The following COL11A2 variants were observed in gnomAD, a reference collection of about 807,000 sequenced individuals.
COL11A2 encodes the protein collagen type XI alpha 2 chain, also known as collagen alpha-2(XI) chain.
COL11A2 carries 116 observed loss-of-function variants against 273.4 expected under a neutral mutation model. That is an observed-to-expected ratio of 0.42 (90% CI 0.36 to 0.49). COL11A2 has a LOEUF of 0.49. COL11A2 is among the 20% of genes least tolerant of loss of function. The pLI is 0.00. For missense variants in COL11A2, 1,866 were observed against 2,309.0 expected, an observed-to-expected ratio of 0.81 and a Z score of 3.93; for synonymous variants, 782 against 864.2, an observed-to-expected ratio of 0.90 and a Z score of 1.67.
chr6:33,173,784 C>T lies in COL11A2; in HGVS notation c.2584-39G>A, dbSNP rs1326937819. 2 of 1,607,954 alleles carry T rather than the reference C, an allele frequency of 1.2e-6. No homozygotes were observed. Among genetic ancestry groups the T allele is most frequent in the African/African-American group, 1.3e-5 (1 of 74,720 alleles). On this transcript the variant is annotated intron_variant, in intron 34 of 65. Coordinates refer to ENST00000341947, the MANE Select transcript of COL11A2 (RefSeq NM_080680.3). This position sits in a 1 kb window ranked among gnomAD's most constrained non-coding sequence, Gnocchi z 6.3. ...CAGAGTCAAGGAGTGGGAAGAGCTG[C>T]TTTCCAGCTGTCCCCGAGGTCAGGA...
chr6:33,165,580 G>C lies in COL11A2; in HGVS notation c.4719C>G (p.Asp1573Glu). The change falls in exon 63 of 66, where the codon GAC becomes GAG. Residue 1573 changes from aspartate (D) to glutamate (E), a missense_variant. By Grantham distance (45) the Asp-to-Glu change is conservative. Coordinates refer to ENST00000341947, the MANE Select transcript of COL11A2 (RefSeq NM_080680.3). The surrounding 1 kb of genome is among the most constrained non-coding windows in gnomAD (Gnocchi z 7.7). Reference sequence around the variant, plus strand: ...GAAGCTCTGGGTGGCACAGCTTCAGGTCCTGGCAGGTGCGAGCAGGGCTGT... The same window carrying C: ...GAAGCTCTGGGTGGCACAGCTTCAGCTCCTGGCAGGTGCGAGCAGGGCTGT... ...TQDSPARTCQ[D>E]LKLCHPELPD... 6.2e-7 allele frequency: 1 copy of C among 1,613,420 alleles called. No individual in the cohort carries two copies. Among genetic ancestry groups the C allele is most frequent in the Non-Finnish European group, 8.5e-7 (1 of 1,180,004 alleles).
At chr6:33,186,343 C>T in intron 5 of COL11A2, 1 of 1,357,822 alleles carries the variant, frequency 7.4e-7, no homozygotes, top group Non-Finnish European at 9.6e-7. Flanking sequence ...CCACTGTCTC[C>T]CAATCTCTTA....
rs2150628537 is a variant in COL11A2, at chr6:33,190,172, TC to T, written c.83-704del. Among the ~76,000 whole-genome samples the T allele has an allele frequency of 6.6e-6, 1 of 151,682 alleles. No homozygotes were observed. The highest frequency in any genetic ancestry group is 1.9e-4 in the East Asian group (1 of 5,154). On this transcript the variant is annotated intron_variant, in intron 1 of 65. Coordinates refer to ENST00000341947, the MANE Select transcript of COL11A2 (RefSeq NM_080680.3). This position sits in a 1 kb window ranked among gnomAD's most constrained non-coding sequence, Gnocchi z 4.5. The stretch of plus-strand genomic sequence containing the variant: ...GAAAGCTCTCCCAGGAGTCTGTGCC[TC>T]CTGGTTTAGGAGATGAGTTGGGGAG...
rs759890035 is a variant in COL11A2, at chr6:33,170,368, G to A, written c.3540C>T (p.Gly1180=). Residue 1180 remains glycine, a synonymous_variant, in exon 48 of 66, where the codon GGC becomes GGT. Coordinates refer to ENST00000341947, the MANE Select transcript of COL11A2 (RefSeq NM_080680.3). The surrounding 1 kb of genome is among the most constrained non-coding windows in gnomAD (Gnocchi z 4.3). ...TGDVGPMGPP[G]PPGPRGPAGP... Reference sequence around the variant, plus strand: ...CAGCTGGACCTCGAGGTCCTGGGGGGCCAGGTGGTCCCTGGGGGAAACAGA... The same window carrying A: ...CAGCTGGACCTCGAGGTCCTGGGGGACCAGGTGGTCCCTGGGGGAAACAGA... 4.3e-6 allele frequency: 7 copies of A among 1,613,194 alleles called. No individual in the cohort carries two copies. The highest frequency in any genetic ancestry group is 1.3e-5 in the African/African-American group (1 of 74,828).
chr6:33,179,731 C>T lies in COL11A2; in HGVS notation c.1434G>A (p.Leu478=). Residue 478 remains leucine (L), a synonymous_variant, in exon 13 of 66, where the codon CTG becomes CTA. Transcript: ENST00000341947. This position sits in a 1 kb window ranked among gnomAD's most constrained non-coding sequence, Gnocchi z 6.4. ...CAGCCCCACTCACCCTCGCCTGCTGCAGGATCGCCTGGGCCTGAGCCTCCT... is the reference window on the plus strand; with the variant it reads ...CAGCCCCACTCACCCTCGCCTGCTGTAGGATCGCCTGGGCCTGAGCCTCCT... ...AAQEAQAQAI[L]QQARLALRGP... 1.9e-6 allele frequency: 3 copies of T among 1,612,266 alleles called. No individual in the cohort carries two copies. Among genetic ancestry groups the T allele is most frequent in the Non-Finnish European group, 2.5e-6 (3 of 1,180,008 alleles).
chr6:33,168,643 A>G, intron 53 of COL11A2, 63 bp downstream of exon 53: 3 of 1,599,852 alleles, frequency 1.9e-6, no homozygotes, highest in Non-Finnish European at 2.6e-6. Context: ...AGTGGGGCAC[A>G]GAAGAGGGGT....
In COL11A2 at chr6:33,168,520, C is replaced by T. The variant is rs372143434; in HGVS notation, c.3959G>A (p.Arg1320Gln). Residue 1320 changes from arginine to glutamine, a missense_variant and splice_region_variant, in exon 54 of 66, where the codon CGA (arginine) becomes CAA (glutamine). By Grantham distance (43) the Arg-to-Gln change is conservative. Transcript: ENST00000341947. ...ENGPPGPLGK[R>Q]GPAGSPGSEG... is the part of the protein sequence containing the mutation. ...GTCTCAGGGGTCCACCTCACTTACTCGCTTTCCAAGTGGCCCTGGGGGTCC... is the reference window on the plus strand; with the variant it reads ...GTCTCAGGGGTCCACCTCACTTACTTGCTTTCCAAGTGGCCCTGGGGGTCC... 12 of 1,613,424 alleles carry T rather than the reference C, an allele frequency of 7.4e-6. No homozygotes were observed. The highest frequency in any genetic ancestry group is 4.5e-5 in the East Asian group (2 of 44,898).
rs764083806 is a variant in COL11A2, at chr6:33,174,508, G to A, written c.2430+19C>T. Reference sequence around the variant, plus strand: ...GAGGAGGGAAGAGGAGGAGGGGCACGTATGGGGCATGGCATCACCTTGGGT... The same window carrying A: ...GAGGAGGGAAGAGGAGGAGGGGCACATATGGGGCATGGCATCACCTTGGGT... On this transcript the variant is annotated intron_variant, in intron 31 of 65. Coordinates refer to ENST00000341947, the MANE Select transcript of COL11A2 (RefSeq NM_080680.3). 24 of 1,612,038 alleles carry A rather than the reference G, an allele frequency of 1.5e-5. No homozygotes were observed. Among genetic ancestry groups the A allele is most frequent in the African/African-American group, 5.3e-5 (4 of 74,876 alleles).
chr6:33,167,237 T>C lies in COL11A2; in HGVS notation c.4176+27A>G. 4 of 1,613,950 alleles carry C rather than the reference T, an allele frequency of 2.5e-6. No homozygotes were observed. The highest frequency in any genetic ancestry group is 3.4e-6 in the Non-Finnish European group (4 of 1,179,952). ...TGTCCCAGGGCACTGCCCTCACCCC[T>C]CACTCAGCCCAATCCCAGTCACTCA... is the stretch of plus-strand genomic sequence containing the variant. On this transcript the variant is annotated intron_variant, in intron 57 of 65. Coordinates refer to ENST00000341947, the MANE Select transcript of COL11A2 (RefSeq NM_080680.3). The surrounding 1 kb of genome is among the most constrained non-coding windows in gnomAD (Gnocchi z 6.1).
At position 33,167,616 on chromosome 6, in the gene COL11A2, G is replaced by A. The variant is rs1225142766; in HGVS notation, c.4015-83C>T. On this transcript the variant is annotated intron_variant, in intron 55 of 65. Coordinates refer to ENST00000341947, the MANE Select transcript of COL11A2 (RefSeq NM_080680.3). This position sits in a 1 kb window ranked among gnomAD's most constrained non-coding sequence, Gnocchi z 6.1. ...GGCAGAGGGTCCAAGGTGGGAGGCA[G>A]GAGGCAGGGAGGAAGGGCCAAACTC... The A allele has an allele frequency of 2.0e-6, 3 of 1,526,044 alleles. No individual in the cohort carries two copies. In the African/African-American group the frequency reaches 4.1e-5, roughly 21 times the overall value. 94.5% of individuals were successfully genotyped at this position (1,526,044 alleles called of 1,614,324 possible).
At position 33,189,059 on chromosome 6, in the gene COL11A2, C is replaced by A. The variant is rs148765616; in HGVS notation, c.362G>T (p.Arg121Leu). Reference protein sequence around the residue: ...QLGLELGRPVRFLYEDQTGRP... With the variant: ...QLGLELGRPVLFLYEDQTGRP... The stretch of plus-strand genomic sequence containing the variant: ...CCCAGTCTGGTCTTCATACAGGAAG[C>A]GGACAGGTCGGCCCAGCTCCAGGCC... Residue 121 changes from arginine (R) to leucine (L), a missense_variant, in exon 3 of 66, where the codon CGC becomes CTC. By Grantham distance (102) the Arg-to-Leu change is moderately radical. Coordinates refer to ENST00000341947, the MANE Select transcript of COL11A2 (RefSeq NM_080680.3). This position sits in a 1 kb window ranked among gnomAD's most constrained non-coding sequence, Gnocchi z 5.6. 3.1e-6 allele frequency: 5 copies of A among 1,614,058 alleles called. No individual in the cohort carries two copies. Among genetic ancestry groups the A allele is most frequent in the Non-Finnish European group, 4.2e-6 (5 of 1,180,042 alleles).
Position 33,184,966 on chromosome 6 carries a change from G to A in COL11A2, c.939+26C>T, listed in dbSNP as rs6910886. ...TCACAGGTGCCCACTGCCCCCAGAT[G>A]GGGTGAGGGTGGGGCATAGAGTTAC... On this transcript the variant is annotated intron_variant, in intron 7 of 65. Coordinates refer to ENST00000341947, the MANE Select transcript of COL11A2 (RefSeq NM_080680.3). 6.5e-3 allele frequency: 10,018 copies of A among 1,545,422 alleles called. 518 individuals are homozygous for A. The African/African-American group carries it at 0.11, about 17-fold the overall frequency.
In COL11A2 at chr6:33,179,000, C is replaced by A; in HGVS notation, c.1612-27G>T. 1 of 1,614,104 alleles carries A rather than the reference C, an allele frequency of 6.2e-7. No individual in the cohort carries two copies. The highest frequency in any genetic ancestry group is 8.5e-7 in the Non-Finnish European group (1 of 1,179,970). ...TGGGAGAACAAGGGAAGTGTCAGAA[C>A]AAGCAGGGCCGCAGTCCCCTACCCT... is the stretch of plus-strand genomic sequence containing the variant. On this transcript the variant is annotated intron_variant, in intron 16 of 65. Transcript: ENST00000341947. The surrounding 1 kb of genome is among the most constrained non-coding windows in gnomAD (Gnocchi z 4.6).
chr6:33,168,223 AG>A (rs1769464836), intron 54 of COL11A2, among the ~76,000 whole-genome samples: 1 of 152,066 alleles, frequency 6.6e-6, no homozygotes, highest in African/African-American at 2.4e-5. Context: ...ACCAGAACCC[AG>A]GAACAAACAT....
rs908901431 is a variant in COL11A2, at chr6:33,173,256, A to G, written c.2736+92T>C. 1.9e-6 allele frequency: 3 copies of G among 1,562,844 alleles called. No individual in the cohort carries two copies. Among genetic ancestry groups the G allele is most frequent in the Non-Finnish European group, 2.6e-6 (3 of 1,143,456 alleles). ...GCACCAGGGCAGGCTCCACTCTGCCAGGAGAACGTCCCTGTGGGCTTTCCA... is the reference window on the plus strand; with the variant it reads ...GCACCAGGGCAGGCTCCACTCTGCCGGGAGAACGTCCCTGTGGGCTTTCCA... On this transcript the variant is annotated intron_variant, in intron 37 of 65. Transcript: ENST00000341947. This position sits in a 1 kb window ranked among gnomAD's most constrained non-coding sequence, Gnocchi z 6.3.
Position 33,190,058 on chromosome 6 carries a change from T to C in COL11A2, c.83-589A>G, listed in dbSNP as rs1194568302. ...ACGAGGAAGAGATCAGAGAAGCAGCTCTATGAGAGGGGCTTCAAGCAGCTA... is the reference window on the plus strand; with the variant it reads ...ACGAGGAAGAGATCAGAGAAGCAGCCCTATGAGAGGGGCTTCAAGCAGCTA... On this transcript the variant is annotated intron_variant, in intron 1 of 65. Coordinates refer to ENST00000341947, the MANE Select transcript of COL11A2 (RefSeq NM_080680.3). The surrounding 1 kb of genome is among the most constrained non-coding windows in gnomAD (Gnocchi z 4.5). Among the ~76,000 whole-genome samples the C allele has an allele frequency of 1.3e-5, 2 of 151,436 alleles. No individual in the cohort carries two copies. Among genetic ancestry groups the C allele is most frequent in the African/African-American group, 2.4e-5 (1 of 41,164 alleles).
intron 8 of COL11A2, among the ~76,000 whole-genome samples, chr6:33,181,531 G>A (rs2855502): frequency 0.64 from 97,167 of 151,978 alleles, 32,650 homozygotes; most frequent in East Asian, 0.93. Context: ...CTGAAGTATA[G>A]TGGCGCGATC....
rs1301860066 is a variant in COL11A2 at position 33,189,414 on chromosome 6, A to G, written c.138T>C (p.Gly46=). The G allele has an allele frequency of 1.2e-6, 2 of 1,613,094 alleles. No individual in the cohort carries two copies. The highest frequency in any genetic ancestry group is 1.7e-5 in the Admixed American group (1 of 60,016). The change falls in exon 2 of 66, where the codon GGT becomes GGC. Residue 46 remains glycine (G), a synonymous_variant. Transcript: ENST00000341947. This position sits in a 1 kb window ranked among gnomAD's most constrained non-coding sequence, Gnocchi z 5.6. ...GACAGATGCCTTTCGCTCTCCGGAC[A>G]CCATCAGGGAGGGAGGGGAACCTCA... ...RALRFPSLPD[G]VRRAKGICPA...
chr6:33,167,722 GGGCATCTGGAGACGGA>G lies in COL11A2; in HGVS notation c.4014+61_4014+76del. On this transcript the variant is annotated intron_variant, in intron 55 of 65. Coordinates refer to ENST00000341947, the MANE Select transcript of COL11A2 (RefSeq NM_080680.3). The surrounding 1 kb of genome is among the most constrained non-coding windows in gnomAD (Gnocchi z 6.1). ...AACATGGGAGAGGTGGAGATGGGGT[GGGCATCTGGAGACGGA>G]GGCATCTGAGGGGTGGGAGGCGGAG... 6.4e-7 allele frequency: 1 copy of G among 1,561,122 alleles called. No individual in the cohort carries two copies. Among genetic ancestry groups the G allele is most frequent in the East Asian group, 2.3e-5 (1 of 44,330 alleles).
Sources: gnomAD v4.1 joint callset for allele counts (sites outside exome capture counted in the v4.1 genomes callset) on GRCh38, gnomAD v4.1.1 for gene constraint, Gnocchi (gnomAD v3.1) non-coding constraint, MANE v1.5 for transcripts, NCBI Gene and HGNC (gene_info 2026-07-23, HGNC 2026-07-21) for gene names.